The following ANO10 variants were observed in gnomAD, a reference collection of about 807,000 sequenced individuals.
ANO10 encodes anoctamin-10.
Under a neutral mutation model 74.7 loss-of-function variants are expected in ANO10, and 77 were observed. The observed-to-expected ratio is 1.03, with a 90% CI of 0.86 to 1.25. The LOEUF is 1.25. Ranked by LOEUF, ANO10 falls within the 50% of genes most tolerant of loss-of-function variation. ANO10 has a pLI of 0.00. For synonymous variants in ANO10, 279 were observed against 284.9 expected, an observed-to-expected ratio of 0.98 and a Z score of 0.21; for missense variants, 721 against 778.1, an observed-to-expected ratio of 0.93 and a Z score of 0.87.
chr3:43,373,078 C>T (rs1016929340), intron 12 of ANO10, among the ~76,000 whole-genome samples: 5 of 152,090 alleles, frequency 3.3e-5, no homozygotes, highest in Admixed American at 1.3e-4. Context: ...TCAGAAGCAC[C>T]GGGTTTCAGG....
intron 1 of ANO10, among the ~76,000 whole-genome samples, chr3:43,673,145 C>T (rs1391855739): frequency 1.3e-5 from 2 of 152,116 alleles, no homozygotes; most frequent in African/African-American, 4.8e-5. Context: ...AAAATTCTTC[C>T]CTCTATGCAT....
At chr3:43,635,620 CTTTTT>C (rs1245285633) in intron 1 of ANO10, among the ~76,000 whole-genome samples, 2 of 140,230 alleles carry the variant, frequency 1.4e-5, no homozygotes, top group East Asian at 4.1e-4. Flanking sequence ...AAGCTCTGAT[CTTTTT>C]TTTTTTTTTT....
At chr3:43,552,963 T>A (rs1240796209) in intron 10 of ANO10, among the ~76,000 whole-genome samples, 5 of 151,902 alleles carry the variant, frequency 3.3e-5, no homozygotes, top group African/African-American at 1.2e-4. Flanking sequence ...CCAGCTAATT[T>A]TTGTATTTTT....
chr3:43,522,320 T>TA (rs922864168), intron 11 of ANO10, among the ~76,000 whole-genome samples: 13 of 152,088 alleles, frequency 8.5e-5, no homozygotes, highest in Non-Finnish European at 1.5e-4. Flanking sequence ...TTTACCATGA[T>TA]AAAAAAATAC....
At chr3:43,592,352 G>A (rs1230573134) in intron 4 of ANO10, among the ~76,000 whole-genome samples, 9 of 152,102 alleles carry the variant, frequency 5.9e-5, no homozygotes, top group South Asian at 2.1e-4. Context: ...ACTCCCAGTC[G>A]GGGCCAACTG....
intron 4 of ANO10, among the ~76,000 whole-genome samples, chr3:43,589,215 TA>T (rs1308913398): frequency 1.4e-5 from 2 of 144,234 alleles, no homozygotes; most frequent in Non-Finnish European, 3.1e-5. Flanking sequence ...TCAGGGGTTA[TA>T]AAAAAATAGT....
In ANO10 at chr3:43,691,085, C is replaced by T. The variant is rs201623005; in HGVS notation, c.-12+432G>A. The T allele has an allele frequency of 1.8e-5, 27 of 1,503,506 alleles. No individual in the cohort carries two copies. In the East Asian group the frequency reaches 6.8e-4, roughly 38 times the overall value. 93.1% of individuals were successfully genotyped at this position (1,503,506 alleles called of 1,614,324 possible). A position where few individuals can be genotyped will look rare whatever the true frequency, so the allele number is the denominator to read the frequency against. ...GCTTCGTGTGTCTCCGGCGCGCACC[C>T]TCCGCGCGGGCCGGGTTAGGGCCCA... On this transcript the variant is annotated intron_variant, in intron 1 of 3. Coordinates refer to the ANO10 transcript ENST00000413397.
intron 11 of ANO10, among the ~76,000 whole-genome samples, chr3:43,449,244 T>C (rs2074734462): frequency 6.6e-6 from 1 of 152,290 alleles, no homozygotes; most frequent in East Asian, 1.9e-4. Context: ...TCCTTTATCA[T>C]TTACGTATTT....
chr3:43,576,511 C>T (rs1288878131), intron 6 of ANO10, among the ~76,000 whole-genome samples, 181 bp downstream of exon 6: 1 of 152,100 alleles, frequency 6.6e-6, no homozygotes, highest in South Asian at 2.1e-4. Flanking sequence ...ATGAGAGTTA[C>T]GATAACCATG....
At chr3:43,670,151 G>A (rs902865796) in intron 1 of ANO10, among the ~76,000 whole-genome samples, 3 of 151,950 alleles carry the variant, frequency 2.0e-5, no homozygotes, top group Non-Finnish European at 2.9e-5. Context: ...TCAGGAGTTC[G>A]TGACAAGCCT....
intron 12 of ANO10, among the ~76,000 whole-genome samples, chr3:43,418,351 T>C (rs1054773571): frequency 2.0e-4 from 30 of 152,180 alleles, no homozygotes; most frequent in Admixed American, 2.0e-3. Flanking sequence ...TCTTTATTGG[T>C]TGTTACTTAT....
chr3:43,586,213 C>G (rs1371917650), intron 4 of ANO10, among the ~76,000 whole-genome samples: 1 of 151,978 alleles, frequency 6.6e-6, no homozygotes, highest in African/African-American at 2.4e-5. Flanking sequence ...GATAAGAGGC[C>G]AGGTTGGAGG....
chr3:43,660,681 G>A (rs1159783305), intron 1 of ANO10, among the ~76,000 whole-genome samples: 3 of 152,194 alleles, frequency 2.0e-5, no homozygotes, highest in East Asian at 1.9e-4. Context: ...CTGGCTGGGC[G>A]CAGTGGCTCA....
intron 12 of ANO10, among the ~76,000 whole-genome samples, chr3:43,396,148 C>A (rs2092377004): frequency 6.6e-6 from 1 of 151,518 alleles, no homozygotes; most frequent in Non-Finnish European, 1.5e-5. Context: ...TAGGAATAGA[C>A]ACCCTTTTAT....
chr3:43,563,490 T>C (rs2080154472), intron 8 of ANO10, among the ~76,000 whole-genome samples: 1 of 150,464 alleles, frequency 6.6e-6, no homozygotes, highest in African/African-American at 2.4e-5. Context: ...TCCAGCATTC[T>C]GACTACTGGG....
chr3:43,634,491 A>G (rs2083585943), intron 1 of ANO10, among the ~76,000 whole-genome samples: 1 of 152,144 alleles, frequency 6.6e-6, no homozygotes, highest in Admixed American at 6.6e-5. Context: ...TACATATGAT[A>G]TAGATTGTTG....
intron 7 of ANO10, among the ~76,000 whole-genome samples, chr3:43,568,272 TCAA>T (rs1367744091): frequency 6.6e-6 from 1 of 151,996 alleles, no homozygotes; most frequent in Non-Finnish European, 1.5e-5. Flanking sequence ...ATTAGACAGA[TCAA>T]CGAGACAGAA....
At chr3:43,573,784 C>T (rs2080859854) in intron 7 of ANO10, among the ~76,000 whole-genome samples, 1 of 152,086 alleles carries the variant, frequency 6.6e-6, no homozygotes, top group Non-Finnish European at 1.5e-5. Context: ...ATGCTGGGAA[C>T]CTTTTGAACT....
At chr3:43,620,835 T>C (rs181835466) in intron 1 of ANO10, among the ~76,000 whole-genome samples, 194 of 152,370 alleles carry the variant, frequency 1.3e-3, no homozygotes, top group African/African-American at 4.5e-3. Flanking sequence ...TCAAGACTTT[T>C]CTATGCCCTT....
Sources: allele counts gnomAD v4.1 joint callset (sites outside exome capture counted in the v4.1 genomes callset), GRCh38; gene constraint gnomAD v4.1.1; transcripts MANE v1.5; gene names NCBI Gene and HGNC (gene_info 2026-07-23, HGNC 2026-07-21).